LSAMP: variants seen among roughly 807,000 people sequenced by gnomAD.
LSAMP encodes the protein limbic system-associated membrane protein.
In LSAMP, 7 loss-of-function variants were observed where a neutral mutation model predicts 38.6. That is an observed-to-expected ratio of 0.18 (90% CI 0.10 to 0.34). LSAMP has a LOEUF of 0.34. Ranked by LOEUF, LSAMP falls within the 10% of genes least tolerant of loss-of-function variation. The probability of loss-of-function intolerance (pLI) is 1.00; values close to 1 mark genes in which losing one functional copy is unlikely to be tolerated. For missense variants in LSAMP, 313 were observed against 420.0 expected (o/e 0.75, Z 2.23); for synonymous variants, 154 against 166.8 (o/e 0.92, Z 0.59).
In LSAMP at chr3:116,265,558, G is replaced by A. The variant is rs75429064; in HGVS notation, c.156-179002C>T. Among the ~76,000 whole-genome samples the A allele has an allele frequency of 5.5e-4, 84 of 152,202 alleles. 1 individual carries two copies. Among genetic ancestry groups the A allele is most frequent in the African/African-American group, 1.8e-3 (75 of 41,506 alleles). On this transcript the variant is annotated intron_variant, in intron 1 of 6. Transcript: ENST00000490035. Reference sequence around the variant, plus strand: ...TCTGGCCATAAGAATCTAAATACTCGTTCCAGGATGATGAAGTTGTTGGGA... The same window carrying A: ...TCTGGCCATAAGAATCTAAATACTCATTCCAGGATGATGAAGTTGTTGGGA...
At chr3:116,224,926 A>G (rs1026244403) in intron 1 of LSAMP, among the ~76,000 whole-genome samples, 2 of 152,192 alleles carry the variant, frequency 1.3e-5, no homozygotes, top group African/African-American at 4.8e-5. Flanking sequence ...TTTAATACAT[A>G]TTTTTAAAAT....
chr3:116,301,135 C>T (rs749700835), intron 1 of LSAMP, among the ~76,000 whole-genome samples: 2 of 151,898 alleles, frequency 1.3e-5, no homozygotes, highest in Non-Finnish European at 2.9e-5. Context: ...TTGATATCAA[C>T]TATAACCAGG....
intron 1 of LSAMP, among the ~76,000 whole-genome samples, chr3:116,318,135 CAA>C (rs373392802): frequency 3.2e-4 from 33 of 101,684 alleles, no homozygotes; most frequent in Middle Eastern, 5.6e-3. Flanking sequence ...GACTCCATCT[CAA>C]AAAAAAAAAA....
At chr3:116,397,089 C>T (rs1002369613) in intron 1 of LSAMP, among the ~76,000 whole-genome samples, 1 of 152,128 alleles carries the variant, frequency 6.6e-6, no homozygotes, top group Non-Finnish European at 1.5e-5. Context: ...GTCATCGTGT[C>T]ACTCCTCTTC....
chr3:115,842,644 GGAAT>G, intron 4 of LSAMP, 66 bp from the exon 5 acceptor site: 1 of 1,589,066 alleles, frequency 6.3e-7, no homozygotes, highest in Non-Finnish European at 8.6e-7. Context: ...TATTCAGGAA[GGAAT>G]GAAGAAGGAC....
intron 1 of LSAMP, among the ~76,000 whole-genome samples, chr3:116,118,206 G>C (rs996580021): frequency 3.9e-5 from 6 of 152,166 alleles, no homozygotes; most frequent in Non-Finnish European, 5.9e-5. Context: ...GTCAGCCACA[G>C]GCATGGGAAG....
chr3:116,040,528 T>A (rs1258732642), intron 2 of LSAMP, among the ~76,000 whole-genome samples: 1 of 152,384 alleles, frequency 6.6e-6, no homozygotes, highest in Middle Eastern at 3.4e-3. Flanking sequence ...ACCATTCTTA[T>A]TCCATTGGTT....
chr3:115,918,360 G>T (rs536465057), intron 3 of LSAMP, among the ~76,000 whole-genome samples: 179 of 152,278 alleles, frequency 1.2e-3, no homozygotes, highest in African/African-American at 4.2e-3. Context: ...GATGTTATCT[G>T]TTATGATATT....
chr3:115,999,622 T>G (rs79159249), intron 3 of LSAMP, among the ~76,000 whole-genome samples: 2,112 of 152,280 alleles, frequency 0.014, 53 homozygotes, highest in African/African-American at 0.048. Flanking sequence ...CTTGGACATG[T>G]GAAGGAAGCC....
chr3:115,904,630 C>G (rs1363905879), intron 3 of LSAMP, among the ~76,000 whole-genome samples: 2 of 152,118 alleles, frequency 1.3e-5, no homozygotes, highest in Admixed American at 1.3e-4. Context: ...ACCCTTCACT[C>G]TCAGAGTGAT....
At chr3:116,301,046 T>C (rs2047401239) in intron 1 of LSAMP, among the ~76,000 whole-genome samples, 1 of 152,008 alleles carries the variant, frequency 6.6e-6, no homozygotes, top group African/African-American at 2.4e-5. Context: ...AAAGCTAATA[T>C]ATTGAGTATC....
chr3:116,042,367 T>C (rs1469659442), intron 2 of LSAMP, among the ~76,000 whole-genome samples: 1 of 152,168 alleles, frequency 6.6e-6, no homozygotes, highest in East Asian at 1.9e-4. Flanking sequence ...CCTACATCTG[T>C]TCTGTTCTAT....
intron 3 of LSAMP, among the ~76,000 whole-genome samples, chr3:115,949,944 A>G (rs1047343798): frequency 7.9e-5 from 12 of 152,352 alleles, no homozygotes; most frequent in African/African-American, 2.9e-4. Context: ...TATGCAAGTC[A>G]ATAAATGTGA....
chr3:115,953,818 T>C (rs1938370734), intron 3 of LSAMP, among the ~76,000 whole-genome samples: 1 of 152,180 alleles, frequency 6.6e-6, no homozygotes, highest in African/African-American at 2.4e-5. Context: ...TTTCCATTTC[T>C]TTAGTCATTT....
At chr3:116,125,108 G>C (rs1386016835) in intron 1 of LSAMP, among the ~76,000 whole-genome samples, 1 of 152,090 alleles carries the variant, frequency 6.6e-6, no homozygotes, top group Non-Finnish European at 1.5e-5. Flanking sequence ...TAGCCCTGTT[G>C]TCTCTCTCCT....
intron 2 of LSAMP, among the ~76,000 whole-genome samples, chr3:116,064,227 A>G (rs1675661158): frequency 1.3e-5 from 2 of 152,196 alleles, no homozygotes; most frequent in Admixed American, 6.5e-5. Flanking sequence ...TTTCTTCTCT[A>G]TGGAAAGTCA....
chr3:115,911,354 G>A (rs762047882), intron 3 of LSAMP, among the ~76,000 whole-genome samples: 14 of 152,090 alleles, frequency 9.2e-5, no homozygotes, highest in Non-Finnish European at 1.8e-4. Flanking sequence ...ACTTGTGTAT[G>A]GGTTTTCATT....
At chr3:116,040,043 T>C (rs1941134982) in intron 2 of LSAMP, among the ~76,000 whole-genome samples, 4 of 152,118 alleles carry the variant, frequency 2.6e-5, no homozygotes, top group Admixed American at 2.6e-4. Context: ...GGAGTGGAAT[T>C]AAACAGAAGG....
chr3:116,408,092 T>C (rs995575387), intron 1 of LSAMP, among the ~76,000 whole-genome samples: 7 of 152,030 alleles, frequency 4.6e-5, no homozygotes, highest in Non-Finnish European at 8.8e-5. Flanking sequence ...CTCTGAGAAA[T>C]ATGTTCTTGG....
Sources: gnomAD v4.1 joint callset for allele counts (sites outside exome capture counted in the v4.1 genomes callset) on GRCh38, gnomAD v4.1.1 for gene constraint, MANE v1.5 for transcripts, NCBI Gene and HGNC (gene_info 2026-07-23, HGNC 2026-07-21) for gene names.